RANBP17: variants seen among roughly 807,000 people sequenced by gnomAD.
RANBP17 encodes the protein RAN binding protein 17.
A neutral mutation model predicts 141.2 loss-of-function variants in RANBP17; 158 were observed. The ratio of observed to expected loss-of-function variants is 1.12; its 90% CI spans 0.98 to 1.28. RANBP17 has a LOEUF of 1.28. Among genes scored for constraint, RANBP17 ranks in the 50% most tolerant of loss-of-function variants. The pLI, the probability that RANBP17 is intolerant of heterozygous loss-of-function variation, is 0.00. For missense variants in RANBP17, 1,438 were observed against 1,290.7 expected, an observed-to-expected ratio of 1.11 and a Z score of -1.75; for synonymous variants, 430 against 450.0, an observed-to-expected ratio of 0.96 and a Z score of 0.56.
chr5:171,060,402 T>C (rs1200683940), intron 14 of RANBP17, among the ~76,000 whole-genome samples: 7 of 152,158 alleles, frequency 4.6e-5, no homozygotes, highest in East Asian at 1.9e-4. Flanking sequence ...AAGGCCTTTT[T>C]TGCATCTATT....
chr5:171,091,565 T>A (rs1430809259), intron 14 of RANBP17, among the ~76,000 whole-genome samples: 1 of 151,926 alleles, frequency 6.6e-6, no homozygotes, highest in African/African-American at 2.4e-5. Context: ...GGACATGAGA[T>A]TTGGGAGGGG....
At chr5:171,049,815 T>G (rs1483795221) in intron 14 of RANBP17, among the ~76,000 whole-genome samples, 1 of 152,206 alleles carries the variant, frequency 6.6e-6, no homozygotes, top group African/African-American at 2.4e-5. Flanking sequence ...TCTTTTTTGT[T>G]CCATTGGTGT....
At chr5:171,122,160 C>T (rs1756086277) in intron 14 of RANBP17, among the ~76,000 whole-genome samples, 1 of 152,194 alleles carries the variant, frequency 6.6e-6, no homozygotes, top group Non-Finnish European at 1.5e-5. Context: ...GTCACTGGTG[C>T]CTCAATGCTG....
chr5:170,937,886 A>G (rs1431826077), intron 12 of RANBP17, among the ~76,000 whole-genome samples: 1 of 152,198 alleles, frequency 6.6e-6, no homozygotes, highest in Non-Finnish European at 1.5e-5. Context: ...TGGTTCTTCA[A>G]AAGTAAAGAG....
At chr5:171,187,909 A>G (rs759502524) in intron 18 of RANBP17, among the ~76,000 whole-genome samples, 10 of 152,220 alleles carry the variant, frequency 6.6e-5, no homozygotes, top group Admixed American at 2.0e-4. Flanking sequence ...CTTGAAGTCT[A>G]TTACTACATC....
intron 14 of RANBP17, among the ~76,000 whole-genome samples, chr5:171,065,367 G>A (rs557494239): frequency 1.3e-5 from 2 of 152,206 alleles, no homozygotes; most frequent in Admixed American, 6.5e-5. Context: ...GCATCACTTA[G>A]ATTCTCATAA....
intron 6 of RANBP17, 111 bp downstream of exon 6, chr5:170,909,876 T>C: frequency 1.5e-6 from 1 of 658,374 alleles, no homozygotes. Context: ...AAAGAATTAT[T>C]GTGGACAGAC....
At chr5:171,050,774 A>G (rs575884339) in intron 14 of RANBP17, among the ~76,000 whole-genome samples, 15 of 152,278 alleles carry the variant, frequency 9.9e-5, no homozygotes, top group Admixed American at 2.0e-4. Context: ...AGATAGTCCA[A>G]GTTTTCCCCT....
Position 171,103,450 on chromosome 5 carries a change from C to A in RANBP17, c.1711-66680C>A, listed in dbSNP as rs189023926. Reference sequence around the variant, plus strand: ...CTTGGTAATGGTGGATTCCCCTCCCCCCACAAAGCTCAAGCATCCCAGGTC... The same window carrying A: ...CTTGGTAATGGTGGATTCCCCTCCCACCACAAAGCTCAAGCATCCCAGGTC... On this transcript the variant is annotated intron_variant, in intron 14 of 27. Coordinates refer to ENST00000523189, the MANE Select transcript of RANBP17 (RefSeq NM_022897.5). 6.0e-3 allele frequency among the ~76,000 whole-genome samples: 911 copies of A among 152,228 alleles called. 14 individuals are homozygous for A. Among genetic ancestry groups the A allele is most frequent in the African/African-American group, 0.021 (881 of 41,540 alleles).
At chr5:170,901,021 A>AG (rs1770590724) in intron 5 of RANBP17, among the ~76,000 whole-genome samples, 1 of 152,178 alleles carries the variant, frequency 6.6e-6, no homozygotes, top group African/African-American at 2.4e-5. Flanking sequence ...GATGTCTATT[A>AG]GGTCTGCATG....
rs565528944 is a variant in RANBP17 at position 170,930,017 on chromosome 5, A to C, written c.1468+5467A>C. ...TGTTATTAATATCTCCAGAAGCTGA[A>C]GTTGAGATTGATAATTTTGTCATTT... is the stretch of plus-strand genomic sequence containing the variant. On this transcript the variant is annotated intron_variant, in intron 12 of 27. Coordinates refer to ENST00000523189, the MANE Select transcript of RANBP17 (RefSeq NM_022897.5). Among the ~76,000 whole-genome samples, 72 of 152,258 alleles carry C rather than the reference A, an allele frequency of 4.7e-4. 2 individuals carry two copies. The Middle Eastern group carries it at 0.01, about 22-fold the overall frequency.
intron 14 of RANBP17, among the ~76,000 whole-genome samples, chr5:171,125,809 G>A (rs1437329583): frequency 1.5e-5 from 2 of 132,578 alleles, no homozygotes; most frequent in Non-Finnish European, 3.3e-5. Flanking sequence ...TTTTTTTTTT[G>A]AGACGGAGTC....
At chr5:171,283,266 C>T (rs1767960680) in intron 25 of RANBP17, among the ~76,000 whole-genome samples, 1 of 152,202 alleles carries the variant, frequency 6.6e-6, no homozygotes, top group South Asian at 2.1e-4. Context: ...CCCTACTCAA[C>T]TGTAAGCTCT....
intron 12 of RANBP17, among the ~76,000 whole-genome samples, chr5:170,945,375 TA>T (rs961964020): frequency 1.3e-5 from 2 of 152,182 alleles, no homozygotes; most frequent in Admixed American, 1.3e-4. Context: ...AGAACCACGT[TA>T]AAAAGGGGAT....
At chr5:170,915,139 G>A (rs1300391820) in intron 8 of RANBP17, among the ~76,000 whole-genome samples, 1 of 152,074 alleles carries the variant, frequency 6.6e-6, no homozygotes, top group Non-Finnish European at 1.5e-5. Context: ...CTTGCTTTTA[G>A]TTGTGTAAAA....
intron 16 of RANBP17, among the ~76,000 whole-genome samples, chr5:171,175,020 A>G (rs1001862078): frequency 2.6e-5 from 4 of 151,042 alleles, no homozygotes; most frequent in Non-Finnish European, 5.9e-5. Context: ...GTCATTGTTC[A>G]CCTCCCACTT....
intron 25 of RANBP17, among the ~76,000 whole-genome samples, chr5:171,279,139 C>T (rs1767700127): frequency 6.6e-6 from 1 of 152,192 alleles, no homozygotes; most frequent in Admixed American, 6.5e-5. Flanking sequence ...CTCAAAATCA[C>T]ACTCACTGGA....
At chr5:171,035,888 T>C (rs569315549) in intron 14 of RANBP17, among the ~76,000 whole-genome samples, 1 of 151,564 alleles carries the variant, frequency 6.6e-6, no homozygotes, top group East Asian at 1.9e-4. Context: ...CCCAGTAGGT[T>C]TTCTTTTCTT....
chr5:171,277,637 G>GTGTGTATATATATA lies in RANBP17; in HGVS notation c.2943+11791_2943+11792insGTGTATATATATAT, dbSNP rs1437482589. On this transcript the variant is annotated intron_variant, in intron 25 of 27. Transcript: ENST00000523189. ...GTGCCTTACGTATACATATATGTAT[G>GTGTGTATATATATA]TATATATATATATATATATATATAT... Among the ~76,000 whole-genome samples the GTGTGTATATATATA allele has an allele frequency of 2.0e-3, 113 of 56,914 alleles. 4 individuals are homozygous for GTGTGTATATATATA. Among genetic ancestry groups the GTGTGTATATATATA allele is most frequent in the African/African-American group, 3.1e-3 (54 of 17,220 alleles). 37.3% of individuals were successfully genotyped at this position (56,914 alleles called of 152,430 possible).
Sources: allele counts gnomAD v4.1 joint callset (sites outside exome capture counted in the v4.1 genomes callset), GRCh38; gene constraint gnomAD v4.1.1; transcripts MANE v1.5; gene names NCBI Gene and HGNC (gene_info 2026-07-23, HGNC 2026-07-21).